The following ACTG2 variants were observed in gnomAD, a reference collection of about 807,000 sequenced individuals.
ACTG2 encodes the protein actin, gamma-enteric smooth muscle.
A neutral mutation model predicts 37.6 loss-of-function variants in ACTG2; 16 were observed. The ratio of observed to expected loss-of-function variants is 0.43; its 90% confidence interval spans 0.29 to 0.65. The LOEUF (loss-of-function observed/expected upper bound fraction) is 0.65. Among genes scored for constraint, ACTG2 ranks in the 30% least tolerant of loss-of-function variants. The pLI is 0.18. For synonymous variants in ACTG2, 181 were observed against 179.9 expected (o/e 1.01, Z -0.05); for missense variants, 238 against 490.9 (o/e 0.48, Z 4.87).
rs1553395537 is a variant in ACTG2 at position 73,906,465 on chromosome 2, A to AAAT, written c.256-2206_256-2205insTAA. On this transcript the variant is annotated intron_variant, in intron 3 of 8. Transcript: ENST00000345517. ...GACTCCATCTCAAAATAAAAAATAA[A>AAAT]AAATAAATAAATAAATAAATACATA... 1.3e-3 allele frequency among the ~76,000 whole-genome samples: 193 copies of AAAT among 149,842 alleles called. 1 individual carries two copies. The highest frequency in any genetic ancestry group is 4.3e-3 in the African/African-American group (178 of 41,050).
At chr2:73,908,517 A>G (rs1320962726) in intron 3 of ACTG2, 156 bp from the exon 4 acceptor site, 3 of 663,276 alleles carry the variant, frequency 4.5e-6, no homozygotes, top group Non-Finnish European at 2.6e-6. Flanking sequence ...TACCCTTTAA[A>G]TGTCAATCAG....
chr2:73,902,066 T>C (rs1157830652), intron 2 of ACTG2, among the ~76,000 whole-genome samples: 1 of 151,354 alleles, frequency 6.6e-6, no homozygotes, highest in Admixed American at 6.6e-5. Context: ...TGTGTGTCTG[T>C]GTGTAGTAGG....
chr2:73,901,298 C>T lies in ACTG2; in HGVS notation c.-14C>T. On this transcript the variant is annotated 5_prime_UTR_variant, in exon 2 of 9. Coordinates refer to ENST00000345517, the MANE Select transcript of ACTG2 (RefSeq NM_001615.4). ...AAGGTGCTCCAGTCCCCAGCTCACT[C>T]AGCCACACACACCATGTGTGAAGAG... is the stretch of plus-strand genomic sequence containing the variant. The T allele has an allele frequency of 1.3e-6, 2 of 1,566,594 alleles. No individual in the cohort carries two copies. The highest frequency in any genetic ancestry group is 1.7e-6 in the Non-Finnish European group (2 of 1,150,524).
intron 1 of ACTG2, among the ~76,000 whole-genome samples, chr2:73,896,347 CAAA>C (rs59825980): frequency 1.6e-3 from 197 of 125,234 alleles, no homozygotes; most frequent in Admixed American, 2.0e-3. Context: ...CCCAGTATCT[CAAA>C]AAAAAAAAAA....
intron 3 of ACTG2, among the ~76,000 whole-genome samples, chr2:73,906,776 C>T (rs886801506): frequency 6.6e-6 from 1 of 152,166 alleles, no homozygotes. Context: ...CCACACTCGA[C>T]CTTAAAAATA....
At position 73,919,434 on chromosome 2, in the gene ACTG2, T is replaced by G. The variant is rs201917096; in HGVS notation, c.990T>G (p.Ile330Met). ...ALAPSTMKIK[I>M]IAPPERKYSV... ...TTCACCACATTTGTTCTTTGCAGAT[T>G]ATTGCTCCCCCAGAGCGGAAGTACT... Residue 330 changes from isoleucine to methionine, a missense_variant and splice_region_variant, in exon 9 of 9, where the codon ATT becomes ATG. Transcript: ENST00000345517. The G allele has an allele frequency of 1.5e-5, 25 of 1,613,336 alleles. No homozygotes were observed. The Admixed American group carries it at 3.2e-4, about 20-fold the overall frequency.
intron 1 of ACTG2, chr2:73,897,237 T>G (rs1218810029): frequency 6.6e-6 from 1 of 152,302 alleles, no homozygotes; most frequent in African/African-American, 2.4e-5. Context: ...TCTCCCTCTT[T>G]CTGTGTGTGG....
intron 2 of ACTG2, among the ~76,000 whole-genome samples, chr2:73,902,041 C>CTGTGTGTGTGTGTGTGTGTGTGTCTG (rs34360898): frequency 7.2e-4 from 94 of 131,396 alleles, no homozygotes; most frequent in African/African-American, 2.7e-3. Context: ...GTGTGTGTGT[C>CTGTGTGTGTGTGTGTGTGTGTGTCTG]TGTGTGTGTG....
intron 3 of ACTG2, among the ~76,000 whole-genome samples, chr2:73,903,958 A>AAAAAAAAAAAAC (rs1679949339): frequency 9.6e-6 from 1 of 104,094 alleles, no homozygotes; most frequent in Admixed American, 1.3e-4. Flanking sequence ...AAAAAAAAAA[A>AAAAAAAAAAAAC]ACAAAAAAAA....
rs764080996 is a variant in ACTG2 at position 73,908,828 on chromosome 2, T to C, written c.366+45T>C. ...TGAACACTGGCATAAGAATGCAACA[T>C]GGATGCTTGGCCAGATACTTTCTCC... is the stretch of plus-strand genomic sequence containing the variant. On this transcript the variant is annotated intron_variant, in intron 4 of 8. Transcript: ENST00000345517. The C allele has an allele frequency of 4.7e-6, 7 of 1,497,200 alleles. No homozygotes were observed. The Admixed American group carries it at 1.2e-4, about 26-fold the overall frequency. The allele number at this position is 1,497,200 out of a possible 1,614,324, so 92.7% of individuals were successfully genotyped here. A position where few individuals can be genotyped will look rare whatever the true frequency, so the allele number is the denominator to read the frequency against.
At chr2:73,901,174 T>C in intron 1 of ACTG2, 102 bp from the exon 2 acceptor site, 1 of 957,296 alleles carries the variant, frequency 1.0e-6, no homozygotes, top group East Asian at 3.0e-5. Flanking sequence ...CTCCTGGAAG[T>C]GTGCCCTGAT....
chr2:73,901,578 GTGTC>G (rs1382053565), intron 2 of ACTG2, 141 bp downstream of exon 2: 58 of 96,640 alleles, frequency 6.0e-4, no homozygotes, highest in African/African-American at 4.9e-3. Flanking sequence ...GTGTGTGTGT[GTGTC>G]TGTGCGTGTG....
intron 1 of ACTG2, among the ~76,000 whole-genome samples, chr2:73,897,692 A>G (rs558528182): frequency 6.6e-6 from 1 of 152,320 alleles, no homozygotes; most frequent in East Asian, 1.9e-4. Context: ...TGGGTTATTT[A>G]TAAACAATGG....
At position 73,895,136 on chromosome 2, in the gene ACTG2, C is replaced by T. The variant is rs181830898; in HGVS notation, c.-37+2085C>T. 6.8e-3 allele frequency among the ~76,000 whole-genome samples: 1,027 copies of T among 151,738 alleles called. 3 individuals are homozygous for T. The highest frequency in any genetic ancestry group is 0.021 in the South Asian group (102 of 4,784). ...TGGTGTGAGTCTGTGAGGGCAGCTC[C>T]GGGCAGAGGCTGCTGATGAGGAGAG... On this transcript the variant is annotated intron_variant, in intron 1 of 8. Transcript: ENST00000345517.
intron 5 of ACTG2, among the ~76,000 whole-genome samples, chr2:73,911,826 G>A (rs532782050): frequency 2.6e-5 from 4 of 152,310 alleles, no homozygotes; most frequent in South Asian, 2.1e-4. Context: ...TGTGCTCAGC[G>A]TAACAGAGGA....
chr2:73,894,087 G>C (rs184869839), intron 1 of ACTG2, among the ~76,000 whole-genome samples: 8 of 152,340 alleles, frequency 5.3e-5, no homozygotes, highest in African/African-American at 1.9e-4. Flanking sequence ...GCTCAAGGCT[G>C]TCAGGGCCCG....
chr2:73,898,210 G>T (rs909613037), intron 1 of ACTG2, among the ~76,000 whole-genome samples: 2 of 147,946 alleles, frequency 1.4e-5, no homozygotes, highest in African/African-American at 4.9e-5. Flanking sequence ...AGTGACGAAG[G>T]CACATCTCAG....
rs764750672 is a variant in ACTG2 at position 73,902,353 on chromosome 2, A to G, written c.127-7A>G. The G allele has an allele frequency of 1.9e-6, 3 of 1,613,200 alleles. No individual in the cohort carries two copies. Among genetic ancestry groups the G allele is most frequent in the Admixed American group, 3.3e-5 (2 of 59,910 alleles). ...TTCATTTCTCTTTTCTTCTTTTTGCATTGCAGGGTGTGATGGTGGGAATGG... is the reference window on the plus strand; with the variant it reads ...TTCATTTCTCTTTTCTTCTTTTTGCGTTGCAGGGTGTGATGGTGGGAATGG... On this transcript the variant is annotated splice_polypyrimidine_tract_variant and splice_region_variant and intron_variant, in intron 2 of 8. Transcript: ENST00000345517.
At chr2:73,903,555 C>T (rs1309140734) in intron 3 of ACTG2, among the ~76,000 whole-genome samples, 1 of 152,168 alleles carries the variant, frequency 6.6e-6, no homozygotes, top group Non-Finnish European at 1.5e-5. Context: ...ATTGAATTAG[C>T]TAAATGCTTA....
Sources: gnomAD v4.1 joint callset for allele counts (sites outside exome capture counted in the v4.1 genomes callset) on GRCh38, gnomAD v4.1.1 for gene constraint, MANE v1.5 for transcripts, NCBI Gene and HGNC (gene_info 2026-07-23, HGNC 2026-07-21) for gene names.